TSPAN15: variants seen among roughly 807,000 people sequenced by gnomAD.
TSPAN15 encodes the protein tetraspanin 15.
Under a neutral mutation model 34.5 loss-of-function variants are expected in TSPAN15, and 20 were observed. That is an observed-to-expected ratio of 0.58 (90% confidence interval 0.41 to 0.84). The LOEUF (loss-of-function observed/expected upper bound fraction) is 0.84, where lower values mean the gene tolerates loss of function less well. TSPAN15 is among the 40% of genes least tolerant of loss of function. TSPAN15 has a pLI of 0.00. For missense variants in TSPAN15, 313 were observed against 386.1 expected, an observed-to-expected ratio of 0.81 and a Z score of 1.59; for synonymous variants, 155 against 153.9, an observed-to-expected ratio of 1.01 and a Z score of -0.05.
chr10:69,458,125 T>A (rs1254616520), intron 1 of TSPAN15, among the ~76,000 whole-genome samples: 1 of 152,190 alleles, frequency 6.6e-6, no homozygotes, highest in Non-Finnish European at 1.5e-5. Flanking sequence ...CCAGGCGCCA[T>A]GTATGTTTCT....
intron 1 of TSPAN15, among the ~76,000 whole-genome samples, chr10:69,477,796 G>T (rs1184261402): frequency 6.6e-6 from 1 of 152,154 alleles, no homozygotes; most frequent in Non-Finnish European, 1.5e-5. Flanking sequence ...AGTTTTGGTT[G>T]TGAATCCTGA....
the TSPAN15 span, among the ~76,000 whole-genome samples, chr10:69,517,681 G>A: frequency 7.2e-5 from 11 of 152,208 alleles, no homozygotes; most frequent in Non-Finnish European, 1.2e-4. Flanking sequence ...ACTCACACCC[G>A]GAGGGGAACG....
At chr10:69,455,625 T>TCTCTCTCC (rs1554830569) in intron 1 of TSPAN15, among the ~76,000 whole-genome samples, 3 of 82,830 alleles carry the variant, frequency 3.6e-5, no homozygotes, top group Non-Finnish European at 7.5e-5. Context: ...TCTCTCTCTC[T>TCTCTCTCC]CCCCCCCCCG....
At chr10:69,518,639 G>T in the TSPAN15 span, among the ~76,000 whole-genome samples, 4 of 152,162 alleles carry the variant, frequency 2.6e-5, no homozygotes, top group Non-Finnish European at 5.9e-5. Context: ...GGCCAGGCTG[G>T]TCTCGAACTC....
At chr10:69,499,627 T>C (rs1842161058) in intron 5 of TSPAN15, among the ~76,000 whole-genome samples, 2 of 152,138 alleles carry the variant, frequency 1.3e-5, no homozygotes, top group African/African-American at 4.8e-5. Flanking sequence ...GCAAACAAAG[T>C]CTCTGCCCGC....
chr10:69,494,999 G>T, intron 3 of TSPAN15: 1 of 453,212 alleles, frequency 2.2e-6, no homozygotes, highest in South Asian at 9.2e-5. Context: ...GAGGGGGACC[G>T]AGTGCTGCAG....
chr10:69,459,111 A>AC (rs1220455493), intron 1 of TSPAN15, among the ~76,000 whole-genome samples: 2 of 117,240 alleles, frequency 1.7e-5, no homozygotes, highest in African/African-American at 6.0e-5. Context: ...CAGACAAAAA[A>AC]AAAAAAAAAA....
the TSPAN15 span, among the ~76,000 whole-genome samples, chr10:69,514,288 G>A: frequency 6.6e-6 from 1 of 152,112 alleles, no homozygotes; most frequent in Non-Finnish European, 1.5e-5. Context: ...ATTTTGTTTA[G>A]GATTTTTGCA....
At chr10:69,536,563 T>C in the TSPAN15 span, among the ~76,000 whole-genome samples, 1 of 152,156 alleles carries the variant, frequency 6.6e-6, no homozygotes, top group South Asian at 2.1e-4. Context: ...AGACTGGAAG[T>C]CTAAGATCAA....
chr10:69,530,946 C>A, the TSPAN15 span, among the ~76,000 whole-genome samples: 1 of 142,008 alleles, frequency 7.0e-6, no homozygotes, highest in Middle Eastern at 3.6e-3. Context: ...TCACATAATT[C>A]TGTCAATAAA....
intron 3 of TSPAN15, among the ~76,000 whole-genome samples, chr10:69,493,715 G>A (rs546329065): frequency 6.6e-6 from 1 of 152,106 alleles, no homozygotes; most frequent in Non-Finnish European, 1.5e-5. Flanking sequence ...CTTGTGATCC[G>A]CCTGCCTTGG....
chr10:69,492,526 A>G (rs1334688243), intron 3 of TSPAN15, among the ~76,000 whole-genome samples: 1 of 152,200 alleles, frequency 6.6e-6, no homozygotes, highest in African/African-American at 2.4e-5. Context: ...GCCCAGGGAC[A>G]TCTGTTGCTC....
chr10:69,474,711 C>G (rs1459394358), intron 1 of TSPAN15, among the ~76,000 whole-genome samples: 1 of 152,080 alleles, frequency 6.6e-6, no homozygotes, highest in Admixed American at 6.5e-5. Flanking sequence ...CCCACTCCAG[C>G]CCACCCCACC....
At chr10:69,455,544 TTCTTCTC>T (rs1841070960) in intron 1 of TSPAN15, among the ~76,000 whole-genome samples, 3 of 124,730 alleles carry the variant, frequency 2.4e-5, no homozygotes, top group African/African-American at 8.8e-5. Flanking sequence ...CTTTCTTTCT[TTCTTCTC>T]TCTCTCTCTT....
chr10:69,480,202 G>C (rs1434318990), intron 1 of TSPAN15, among the ~76,000 whole-genome samples: 1 of 152,106 alleles, frequency 6.6e-6, no homozygotes, highest in African/African-American at 2.4e-5. Context: ...TCTGGTGTTT[G>C]GGGGATGGTT....
At chr10:69,539,442 GAAGAAGAAGAAGAAGA>G in the TSPAN15 span, among the ~76,000 whole-genome samples, 19 of 31,444 alleles carry the variant, frequency 6.0e-4, 2 homozygotes, top group African/African-American at 1.9e-3. Flanking sequence ...GAAGAAGAAG[GAAGAAGAAGAAGAAGA>G]AGAAGGAGAA....
At chr10:69,469,563 C>T (rs577130403) in intron 1 of TSPAN15, among the ~76,000 whole-genome samples, 1 of 152,218 alleles carries the variant, frequency 6.6e-6, no homozygotes, top group African/African-American at 2.4e-5. Flanking sequence ...AGCAAACCTC[C>T]ACCTCCCAGG....
intron 4 of TSPAN15, among the ~76,000 whole-genome samples, chr10:69,498,031 C>A (rs181489397): frequency 6.6e-6 from 1 of 152,170 alleles, no homozygotes; most frequent in African/African-American, 2.4e-5. Flanking sequence ...TGCCTAGTCA[C>A]TACCCTGATA....
chr10:69,501,068 G>T (rs528931687), intron 5 of TSPAN15, among the ~76,000 whole-genome samples: 2 of 152,340 alleles, frequency 1.3e-5, no homozygotes, highest in South Asian at 4.1e-4. Flanking sequence ...GGATACCCAG[G>T]TTTTGGTCTG....
Sources: allele counts gnomAD v4.1 joint callset (sites outside exome capture counted in the v4.1 genomes callset), GRCh38; gene constraint gnomAD v4.1.1; transcripts MANE v1.5; gene names NCBI Gene and HGNC (gene_info 2026-07-23, HGNC 2026-07-21).